The following KCNMA1 variants were observed in gnomAD, a reference collection of about 807,000 sequenced individuals.
KCNMA1 encodes potassium calcium-activated channel subfamily M alpha 1.
KCNMA1 carries 29 observed loss-of-function variants against 140.0 expected under a neutral mutation model. The observed-to-expected ratio is 0.21, with a 90% CI of 0.15 to 0.28. The LOEUF (loss-of-function observed/expected upper bound fraction) is 0.28, where lower values mean the gene tolerates loss of function less well. Ranked by LOEUF, KCNMA1 falls within the 10% of genes least tolerant of loss-of-function variation. KCNMA1 has a pLI of 1.00. For synonymous variants in KCNMA1, 612 were observed against 611.9 expected, an observed-to-expected ratio of 1.00 and a Z score of 0.00; for missense variants, 880 against 1,602.2, an observed-to-expected ratio of 0.55 and a Z score of 7.70.
At chr10:76,936,697 G>A (rs2060651592) in intron 23 of KCNMA1, among the ~76,000 whole-genome samples, 1 of 152,160 alleles carries the variant, frequency 6.6e-6, no homozygotes, top group Non-Finnish European at 1.5e-5. Context: ...TGAGCAGCCT[G>A]GGGGTCAGGA....
intron 2 of KCNMA1, among the ~76,000 whole-genome samples, chr10:77,397,283 G>A (rs1297059887): frequency 2.0e-5 from 3 of 152,086 alleles, no homozygotes; most frequent in African/African-American, 7.2e-5. Flanking sequence ...TAAAACAAGG[G>A]GATAAATTAG....
rs1456974393 is a variant in KCNMA1, at chr10:77,611,109, G to A, written c.378+26156C>T. ...GATTAAATGCAACCACCCATGTGTAGGGGACTTTGGCTAACTCCTTTCCAA... is the reference window on the plus strand; with the variant it reads ...GATTAAATGCAACCACCCATGTGTAAGGGACTTTGGCTAACTCCTTTCCAA... On this transcript the variant is annotated intron_variant, in intron 1 of 27. Transcript: ENST00000286628. Among the ~76,000 whole-genome samples the A allele has an allele frequency of 2.0e-5, 3 of 152,322 alleles. No individual in the cohort carries two copies. In the East Asian group the frequency reaches 5.8e-4, roughly 29 times the overall value.
chr10:77,007,653 G>GTGTATATATATATATATA, intron 18 of KCNMA1, among the ~76,000 whole-genome samples: 12 of 88,466 alleles, frequency 1.4e-4, no homozygotes, highest in South Asian at 7.9e-4. Context: ...TTGTGTGTGT[G>GTGTATATATATATATATA]TATATATATA....
intron 14 of KCNMA1, among the ~76,000 whole-genome samples, chr10:77,062,685 A>G (rs1485228535): frequency 6.6e-6 from 1 of 152,232 alleles, no homozygotes; most frequent in Non-Finnish European, 1.5e-5. Context: ...AGACATATGT[A>G]TCTCCTACCT....
chr10:77,302,792 A>T (rs565568779), intron 2 of KCNMA1, among the ~76,000 whole-genome samples: 1 of 152,230 alleles, frequency 6.6e-6, no homozygotes, highest in South Asian at 2.1e-4. Context: ...GTAAAAACCA[A>T]TTGGGGAAGG....
At chr10:76,948,473 G>C (rs995529092) in intron 22 of KCNMA1, among the ~76,000 whole-genome samples, 1 of 152,212 alleles carries the variant, frequency 6.6e-6, no homozygotes, top group Non-Finnish European at 1.5e-5. Flanking sequence ...TTAGGAAGTA[G>C]TTAATTACAT....
At chr10:77,174,924 G>T (rs535670763) in intron 5 of KCNMA1, among the ~76,000 whole-genome samples, 2 of 152,324 alleles carry the variant, frequency 1.3e-5, no homozygotes, top group East Asian at 3.9e-4. Flanking sequence ...TCCACCCAGA[G>T]ATTCTTAGGT....
chr10:77,210,186 T>A (rs1311853605), intron 3 of KCNMA1, among the ~76,000 whole-genome samples: 3 of 152,052 alleles, frequency 2.0e-5, no homozygotes, highest in Admixed American at 2.0e-4. Context: ...GCAAATCAAA[T>A]CCAGTGGCAC....
At chr10:77,011,845 A>C in intron 18 of KCNMA1, 122 bp downstream of exon 18, 1 of 873,148 alleles carries the variant, frequency 1.1e-6, no homozygotes, top group South Asian at 1.4e-5. Context: ...GCTGGGTGAA[A>C]CATAAACATA....
Position 76,945,092 on chromosome 10 carries a change from G to A in KCNMA1, c.2710-127C>T, listed in dbSNP as rs1159648415. Reference sequence around the variant, plus strand: ...AATTAAAGATTGAGTCGGAGCTTTGGGAAATTATTTAACAAGTATCTTTTT... The same window carrying A: ...AATTAAAGATTGAGTCGGAGCTTTGAGAAATTATTTAACAAGTATCTTTTT... On this transcript the variant is annotated intron_variant, in intron 22 of 27. Transcript: ENST00000286628. 5 of 813,258 alleles carry A rather than the reference G, an allele frequency of 6.1e-6. No individual in the cohort carries two copies. The East Asian group carries it at 1.1e-4, about 17-fold the overall frequency. 50.4% of individuals were successfully genotyped at this position (813,258 alleles called of 1,614,324 possible). A position where few individuals can be genotyped will look rare whatever the true frequency, so the allele number is the denominator to read the frequency against.
At chr10:77,544,635 A>G (rs2060986743) in intron 1 of KCNMA1, among the ~76,000 whole-genome samples, 1 of 152,020 alleles carries the variant, frequency 6.6e-6, no homozygotes, top group South Asian at 2.1e-4. Context: ...CTTCAGAGCA[A>G]CTCTATGAAG....
chr10:76,945,422 G>A (rs2063652265), intron 22 of KCNMA1, among the ~76,000 whole-genome samples: 1 of 152,146 alleles, frequency 6.6e-6, no homozygotes, highest in African/African-American at 2.4e-5. Context: ...AAAGACAGCA[G>A]TTCCAATGCA....
intron 2 of KCNMA1, among the ~76,000 whole-genome samples, chr10:77,300,780 C>T (rs1268188776): frequency 1.3e-5 from 2 of 152,180 alleles, no homozygotes; most frequent in Non-Finnish European, 2.9e-5. Context: ...CCTACCAAGC[C>T]ACCATCTCCT....
At chr10:77,314,312 C>T (rs1402095627) in intron 2 of KCNMA1, among the ~76,000 whole-genome samples, 1 of 152,134 alleles carries the variant, frequency 6.6e-6, no homozygotes, top group Non-Finnish European at 1.5e-5. Flanking sequence ...TGAATTTCAT[C>T]CAGAAGCAGC....
chr10:77,492,813 G>A (rs1240940526), intron 1 of KCNMA1, among the ~76,000 whole-genome samples: 1 of 152,248 alleles, frequency 6.6e-6, no homozygotes, highest in Non-Finnish European at 1.5e-5. Flanking sequence ...TTGTATGGGA[G>A]TGGAGAGGAG....
intron 3 of KCNMA1, among the ~76,000 whole-genome samples, chr10:77,241,047 C>A (rs1350347611): frequency 1.3e-5 from 2 of 152,144 alleles, no homozygotes; most frequent in Non-Finnish European, 2.9e-5. Context: ...GTTCCTATTT[C>A]CCAAAGCCAA....
In KCNMA1 at chr10:77,001,578, T is replaced by A. The variant is rs767502495; in HGVS notation, c.2095A>T (p.Lys699Ter). 9.0e-6 allele frequency: 14 copies of A among 1,550,344 alleles called. No individual in the cohort carries two copies. In the African/African-American group the frequency reaches 1.8e-4, roughly 20 times the overall value. Residue 699 changes from lysine (K) to a stop codon, truncating the protein, a stop_gained and splice_region_variant, in exon 19 of 28, where the codon AAG becomes TAG. Transcript: ENST00000286628. LOFTEE classifies it high-confidence loss of function. Reference protein sequence around the residue: ...RIKKCGCKRPKMSIYKRMRRA... With the variant: ...RIKKCGCKRP The stretch of plus-strand genomic sequence containing the variant: ...CTCATTCTCTTGTAGATGGACATCT[T>A]GGCTATAACCGTGTGGTTGGATGGG...
chr10:77,148,399 G>A (rs1373358673), intron 5 of KCNMA1: 1 of 152,174 alleles, frequency 6.6e-6, no homozygotes, highest in East Asian at 1.9e-4. Context: ...TTAGCTCTCT[G>A]TAAGGACAGA....
intron 1 of KCNMA1, among the ~76,000 whole-genome samples, chr10:77,598,628 A>G (rs2081636061): frequency 6.6e-6 from 1 of 152,236 alleles, no homozygotes; most frequent in Admixed American, 6.5e-5. Flanking sequence ...AAATAAAACA[A>G]AAAAGCAAAG....
Sources: gnomAD v4.1 joint callset for allele counts (sites outside exome capture counted in the v4.1 genomes callset) on GRCh38, gnomAD v4.1.1 for gene constraint, MANE v1.5 for transcripts, NCBI Gene and HGNC (gene_info 2026-07-23, HGNC 2026-07-21) for gene names.